Variants in FKBP15 observed in about 807,000 individuals in gnomAD.
FKBP15 encodes the protein FK506-binding protein 15.
A neutral mutation model predicts 158.1 loss-of-function variants in FKBP15; 106 were observed. The ratio of observed to expected loss-of-function variants is 0.67; its 90% CI spans 0.57 to 0.79. The LOEUF (loss-of-function observed/expected upper bound fraction) is 0.79, where lower values mean the gene tolerates loss of function less well. FKBP15 is among the 30% of genes least tolerant of loss of function. The probability of loss-of-function intolerance (pLI) is 0.00; values close to 1 mark genes in which losing one functional copy is unlikely to be tolerated. For synonymous variants in FKBP15, 547 were observed against 548.6 expected, an observed-to-expected ratio of 1.00 and a Z score of 0.04; for missense variants, 1,287 against 1,479.1, an observed-to-expected ratio of 0.87 and a Z score of 2.13.
In FKBP15 at chr9:113,186,265, C is replaced by G; in HGVS notation, c.1482G>C (p.Gln494His). Residue 494 changes from glutamine to histidine, a missense_variant, in exon 15 of 28, where the codon CAG becomes CAC. Transcript: ENST00000238256. The part of the protein sequence containing the change: ...VRPLYPAPLS[Q>H]PPHFQGSGDM... ...ACTCCCTACCTTGGAAATGGGGAGG[C>G]TGAGAGAGCGGTGCTGGGTACAAAG... is the stretch of plus-strand genomic sequence containing the variant. The G allele has an allele frequency of 6.4e-7, 1 of 1,563,260 alleles. No individual in the cohort carries two copies. Among genetic ancestry groups the G allele is most frequent in the African/African-American group, 1.4e-5 (1 of 73,840 alleles).
rs891857655 is a variant in FKBP15, at chr9:113,165,358, A to G, written c.*720T>C. 6.6e-6 allele frequency: 1 copy of G among 152,204 alleles called. No individual in the cohort carries two copies. The highest frequency in any genetic ancestry group is 2.4e-5 in the African/African-American group (1 of 41,442). The allele number at this position is 152,204 out of a possible 1,614,324, so 9.4% of individuals were successfully genotyped here. ...AGGACTACAGTGGTGACTTTCTTTG[A>G]AAGCCTAAAAGTTCCAGGGTTAGGT... On this transcript the variant is annotated 3_prime_UTR_variant, in exon 28 of 28. Transcript: ENST00000238256.
chr9:113,203,159 A>G (rs1490476040), intron 4 of FKBP15, 124 bp from the exon 5 acceptor site: 7 of 645,294 alleles, frequency 1.1e-5, no homozygotes, highest in African/African-American at 1.8e-5. Context: ...ACTAAACTCA[A>G]AATCTATTCA....
intron 27 of FKBP15, among the ~76,000 whole-genome samples, chr9:113,166,446 C>A (rs570158031): frequency 6.6e-6 from 1 of 152,320 alleles, no homozygotes; most frequent in East Asian, 1.9e-4. Flanking sequence ...TCCTCTCATG[C>A]AGTAACTTAC....
Position 113,212,334 on chromosome 9 carries a change from G to A in FKBP15, c.54-742C>T, listed in dbSNP as rs937341218. On this transcript the variant is annotated intron_variant, in intron 1 of 27. Transcript: ENST00000238256. ...CTCCCAAGTAGCTGGGACTACAGGC[G>A]CGTGTCACCACACCCGGCTAATTTT... Among the ~76,000 whole-genome samples, 13 of 151,956 alleles carry A rather than the reference G, an allele frequency of 8.6e-5. No individual in the cohort carries two copies. The East Asian group carries it at 1.3e-3, about 16-fold the overall frequency.
At chr9:113,190,659 A>T (rs1830559515) in intron 11 of FKBP15, 81 bp from the exon 12 acceptor site, 13 of 1,011,048 alleles carry the variant, frequency 1.3e-5, no homozygotes, top group East Asian at 5.2e-5. Context: ...TGGCTCTTGT[A>T]TCAAATCCTT....
At chr9:113,202,849 G>T in intron 5 of FKBP15, 112 bp downstream of exon 5, 1 of 912,748 alleles carries the variant, frequency 1.1e-6, no homozygotes, top group Non-Finnish European at 1.7e-6. Flanking sequence ...ATACTCACAA[G>T]GACACCCAGG....
intron 13 of FKBP15, 84 bp downstream of exon 13, chr9:113,188,305 G>A: frequency 9.5e-7 from 1 of 1,052,846 alleles, no homozygotes; most frequent in Non-Finnish European, 1.4e-6. Flanking sequence ...CTGAAACAAT[G>A]CAGCCTAACA....
At chr9:113,204,166 C>T (rs1219898773) in intron 4 of FKBP15, among the ~76,000 whole-genome samples, 2 of 152,198 alleles carry the variant, frequency 1.3e-5, no homozygotes, top group East Asian at 1.9e-4. Context: ...CAACCTCCAC[C>T]TCCCAGGTTC....
At chr9:113,206,683 TAGGC>T (rs1055505802) in intron 3 of FKBP15, 105 bp from the exon 4 acceptor site, 38 of 562,248 alleles carry the variant, frequency 6.8e-5, no homozygotes, top group Non-Finnish European at 1.1e-4. Context: ...ATTCAGCCTC[TAGGC>T]AGGGACACAG....
chr9:113,169,116 A>T, intron 26 of FKBP15, 108 bp downstream of exon 26: 1 of 1,372,270 alleles, frequency 7.3e-7, no homozygotes, highest in Non-Finnish European at 9.7e-7. Context: ...ATGAATGAAG[A>T]CATGAGTAAA....
intron 3 of FKBP15, 125 bp downstream of exon 3, chr9:113,207,087 T>G (rs543591087): frequency 5.6e-6 from 4 of 717,738 alleles, no homozygotes; most frequent in Non-Finnish European, 9.7e-6. Context: ...AAAGTTCTAC[T>G]GATATTTTGT....
chr9:113,197,261 T>C (rs1443569874), intron 8 of FKBP15, among the ~76,000 whole-genome samples, 183 bp from the exon 9 acceptor site: 1 of 152,174 alleles, frequency 6.6e-6, no homozygotes, highest in Non-Finnish European at 1.5e-5. Flanking sequence ...CTAAACCTAC[T>C]TGTAAAAGCA....
intron 1 of FKBP15, among the ~76,000 whole-genome samples, chr9:113,217,722 T>TC (rs1831168258): frequency 6.6e-6 from 1 of 152,118 alleles, no homozygotes; most frequent in African/African-American, 2.4e-5. Context: ...GCGCCTGTAA[T>TC]CCCAGCTACT....
At chr9:113,186,920 G>A (rs1238167081) in intron 14 of FKBP15, 1 of 152,274 alleles carries the variant, frequency 6.6e-6, no homozygotes, top group Non-Finnish European at 1.5e-5. Context: ...GATAGGTAAA[G>A]TTCTGAAAAG....
chr9:113,206,969 T>C, intron 3 of FKBP15: 3 of 475,822 alleles, frequency 6.3e-6, no homozygotes, highest in Non-Finnish European at 1.1e-5. Flanking sequence ...GTGGAGAGGC[T>C]TTCTTTGAGC....
chr9:113,180,284 G>A (rs1479634707), intron 19 of FKBP15, among the ~76,000 whole-genome samples: 2 of 151,942 alleles, frequency 1.3e-5, no homozygotes, highest in African/African-American at 2.4e-5. Context: ...ATAAGGGAAT[G>A]GATAAGATAT....
At chr9:113,206,921 C>G in intron 3 of FKBP15, 1 of 415,186 alleles carries the variant, frequency 2.4e-6, no homozygotes, top group East Asian at 4.1e-5. Flanking sequence ...TATTCCCTTA[C>G]TCTTTAAATA....
chr9:113,161,798 C>G lies in FKBP15; in HGVS notation c.*4280G>C, dbSNP rs557611014. On this transcript the variant is annotated 3_prime_UTR_variant, in exon 28 of 28. Coordinates refer to ENST00000238256, the MANE Select transcript of FKBP15 (RefSeq NM_015258.2). ...TAGCCCCACTTCACAGAGAGGACAG[C>G]GAGGCCCAGGGAAGGACCAGGACTT... 5.1e-5 allele frequency: 68 copies of G among 1,346,088 alleles called. No homozygotes were observed. In the African/African-American group the frequency reaches 9.4e-4, roughly 19 times the overall value. The allele number at this position is 1,346,088 out of a possible 1,614,324, so 83.4% of individuals were successfully genotyped here.
intron 15 of FKBP15, among the ~76,000 whole-genome samples, chr9:113,185,427 G>C (rs1219725386): frequency 5.3e-5 from 8 of 152,180 alleles, no homozygotes; most frequent in Non-Finnish European, 8.8e-5. Context: ...GCGTATCCCA[G>C]ATGGAGAAGG....
Sources: allele counts gnomAD v4.1 joint callset (sites outside exome capture counted in the v4.1 genomes callset), GRCh38; gene constraint gnomAD v4.1.1; transcripts MANE v1.5; gene names NCBI Gene and HGNC (gene_info 2026-07-23, HGNC 2026-07-21).